RERE: variants seen among roughly 807,000 people sequenced by gnomAD.
The protein encoded by RERE is arginine-glutamic acid dipeptide repeats, also known as arginine-glutamic acid dipeptide repeats protein.
RERE carries 40 observed loss-of-function variants against 146.1 expected under a neutral mutation model. The observed-to-expected ratio is 0.27, with a 90% CI of 0.21 to 0.36. The LOEUF (loss-of-function observed/expected upper bound fraction) is 0.36. RERE is among the 10% of genes least tolerant of loss of function. RERE has a pLI of 1.00. For missense variants in RERE, 1,933 were observed against 2,138.7 expected, an observed-to-expected ratio of 0.90 and a Z score of 1.90; for synonymous variants, 1,003 against 866.0, an observed-to-expected ratio of 1.16 and a Z score of -2.78.
chr1:8,501,894 T>G (rs1230050157), intron 8 of RERE, among the ~76,000 whole-genome samples: 2 of 50,510 alleles, frequency 4.0e-5, no homozygotes, highest in African/African-American at 8.0e-5. Context: ...GTGGGGGGGG[T>G]CAGCCCCCCG....
intron 1 of RERE, among the ~76,000 whole-genome samples, chr1:8,698,331 C>T (rs116244029): frequency 1.9e-3 from 285 of 152,308 alleles, no homozygotes; most frequent in Non-Finnish European, 3.2e-3. Flanking sequence ...TTAAAAGGCA[C>T]ACAAGTCACT....
intron 7 of RERE, among the ~76,000 whole-genome samples, chr1:8,515,691 T>G (rs1237874477): frequency 6.6e-6 from 1 of 152,046 alleles, no homozygotes; most frequent in Non-Finnish European, 1.5e-5. Context: ...GGTTTCTGCT[T>G]GGATGTACAA....
chr1:8,709,400 G>A (rs1315775275), intron 1 of RERE, among the ~76,000 whole-genome samples: 1 of 151,916 alleles, frequency 6.6e-6, no homozygotes, highest in Non-Finnish European at 1.5e-5. Flanking sequence ...GATTACGGGT[G>A]AGCCACGGCA....
At chr1:8,746,814 T>G (rs1335603843) in intron 1 of RERE, among the ~76,000 whole-genome samples, 7 of 87,000 alleles carry the variant, frequency 8.0e-5, no homozygotes, top group African/African-American at 2.4e-4. Flanking sequence ...GGGGGGGAAG[T>G]GAGAGAGAAG....
chr1:8,544,478 G>C (rs1026859015), intron 6 of RERE, among the ~76,000 whole-genome samples: 1 of 152,016 alleles, frequency 6.6e-6, no homozygotes, highest in Non-Finnish European at 1.5e-5. Flanking sequence ...AAAATACCAT[G>C]GACAAATCTC....
intron 22 of RERE, 81 bp downstream of exon 22, chr1:8,355,338 G>T (rs1357444720): frequency 6.8e-7 from 1 of 1,465,300 alleles, no homozygotes; most frequent in Non-Finnish European, 9.4e-7. Flanking sequence ...AGAGGGGGAG[G>T]AGCCTGGCCC....
chr1:8,380,263 A>G (rs562446230), intron 12 of RERE, among the ~76,000 whole-genome samples: 2 of 152,046 alleles, frequency 1.3e-5, no homozygotes, highest in Non-Finnish European at 2.9e-5. Context: ...GCCTCAGAGC[A>G]AGCCATGCTG....
intron 12 of RERE, among the ~76,000 whole-genome samples, chr1:8,403,567 T>C (rs1643338180): frequency 6.6e-6 from 1 of 151,722 alleles, no homozygotes. Flanking sequence ...GGTTTCACCA[T>C]GCTGGCCAGG....
At chr1:8,789,301 A>AAAAAATATAT in intron 1 of RERE, among the ~76,000 whole-genome samples, 1 of 24,826 alleles carries the variant, frequency 4.0e-5, no homozygotes, top group African/African-American at 2.3e-4. Flanking sequence ...AAAAAAAAAA[A>AAAAAATATAT]ATATATATAT....
At chr1:8,484,463 T>C (rs182067817) in intron 10 of RERE, among the ~76,000 whole-genome samples, 35 of 151,848 alleles carry the variant, frequency 2.3e-4, no homozygotes, top group Admixed American at 2.2e-3. Flanking sequence ...TCTCGCTCTG[T>C]CGCCCAGGCT....
intron 11 of RERE, among the ~76,000 whole-genome samples, chr1:8,455,927 C>T (rs1156563028): frequency 6.6e-6 from 1 of 152,162 alleles, no homozygotes; most frequent in Non-Finnish European, 1.5e-5. Context: ...AGCACCCTAA[C>T]CTCTCAGAAG....
chr1:8,506,592 A>T (rs552212423), intron 8 of RERE, among the ~76,000 whole-genome samples: 1 of 152,260 alleles, frequency 6.6e-6, no homozygotes, highest in South Asian at 2.1e-4. Context: ...GTCTTTAGAC[A>T]TGATGGCCTT....
chr1:8,788,926 A>G (rs1641309173), intron 1 of RERE, among the ~76,000 whole-genome samples: 1 of 151,526 alleles, frequency 6.6e-6, no homozygotes, highest in Non-Finnish European at 1.5e-5. Context: ...CCCTGGGCAC[A>G]GCCCTGAGGC....
At chr1:8,704,632 C>G (rs1639522529) in intron 1 of RERE, among the ~76,000 whole-genome samples, 1 of 152,182 alleles carries the variant, frequency 6.6e-6, no homozygotes, top group South Asian at 2.1e-4. Flanking sequence ...CTGAATAGAA[C>G]CCAGGGGTCC....
At chr1:8,690,122 GCAA>G in intron 1 of RERE, among the ~76,000 whole-genome samples, 1 of 152,176 alleles carries the variant, frequency 6.6e-6, no homozygotes, top group Non-Finnish European at 1.5e-5. Context: ...GGCTTAAACA[GCAA>G]AAATTTATCG....
At chr1:8,363,751 G>A in intron 15 of RERE, 1 of 428,846 alleles carries the variant, frequency 2.3e-6, no homozygotes, top group Non-Finnish European at 4.2e-6. Context: ...TTGATACAAT[G>A]GAAGTGACAC....
chr1:8,804,918 T>C (rs1256621465), intron 1 of RERE, among the ~76,000 whole-genome samples: 5 of 152,084 alleles, frequency 3.3e-5, no homozygotes. Context: ...TCTAATCCTA[T>C]CTAACACACG....
chr1:8,778,624 C>G (rs534895256), intron 1 of RERE, among the ~76,000 whole-genome samples: 1 of 152,018 alleles, frequency 6.6e-6, no homozygotes, highest in Admixed American at 6.6e-5. Flanking sequence ...ATCACTTGAG[C>G]CCAGGAGTTC....
chr1:8,786,222 T>A, intron 1 of RERE: 1 of 913,944 alleles, frequency 1.1e-6, no homozygotes, highest in Non-Finnish European at 1.7e-6. Context: ...AAGAAGCCTG[T>A]GGATCTGGTC....
Sources: gnomAD v4.1 joint callset for allele counts (sites outside exome capture counted in the v4.1 genomes callset) on GRCh38, gnomAD v4.1.1 for gene constraint, MANE v1.5 for transcripts, NCBI Gene and HGNC (gene_info 2026-07-23, HGNC 2026-07-21) for gene names.